Variants in SH3GL3 observed in about 807,000 individuals in gnomAD.
SH3GL3 encodes the protein SH3 domain containing GRB2 like 3, endophilin A3.
In SH3GL3, 33 loss-of-function variants were observed where a neutral mutation model predicts 47.7. The ratio of observed to expected loss-of-function variants is 0.69; its 90% CI spans 0.52 to 0.92. The LOEUF (loss-of-function observed/expected upper bound fraction) is 0.92. Ranked by LOEUF, SH3GL3 falls within the 40% of genes least tolerant of loss-of-function variation. The pLI, the probability that SH3GL3 is intolerant of heterozygous loss-of-function variation, is 0.00. For synonymous variants in SH3GL3, 155 were observed against 148.8 expected (o/e 1.04, Z -0.30); for missense variants, 363 against 417.8 (o/e 0.87, Z 1.14).
chr15:83,591,696 A>G (rs1464373929), intron 8 of SH3GL3, among the ~76,000 whole-genome samples: 1 of 151,472 alleles, frequency 6.6e-6, no homozygotes, highest in African/African-American at 2.4e-5. Flanking sequence ...ATTTATTTTT[A>G]TTTTTTTGAG....
At chr15:83,569,040 C>T (rs2045693062) in intron 4 of SH3GL3, among the ~76,000 whole-genome samples, 1 of 151,862 alleles carries the variant, frequency 6.6e-6, no homozygotes, top group Non-Finnish European at 1.5e-5. Flanking sequence ...GGATTACAGG[C>T]TCAAGCCACC....
intron 2 of SH3GL3, among the ~76,000 whole-genome samples, chr15:83,560,328 A>G (rs568061072): frequency 1.3e-4 from 20 of 152,174 alleles, no homozygotes; most frequent in Admixed American, 1.3e-4. Flanking sequence ...TGTTTTCTGG[A>G]TGAGAACTAT....
At chr15:83,609,456 G>A (rs1470318018) in intron 8 of SH3GL3, 2 of 388,526 alleles carry the variant, frequency 5.1e-6, no homozygotes, top group African/African-American at 2.1e-5. Context: ...AAGACAAAGA[G>A]CCCTACTCAG....
intron 1 of SH3GL3, among the ~76,000 whole-genome samples, chr15:83,492,092 G>T (rs1567268307): frequency 6.6e-6 from 1 of 152,046 alleles, no homozygotes; most frequent in Non-Finnish European, 1.5e-5. Flanking sequence ...AGACCATCCT[G>T]GCCAACATGG....
At chr15:83,604,620 C>A (rs2562760) in intron 8 of SH3GL3, among the ~76,000 whole-genome samples, 129,362 of 152,190 alleles carry the variant, frequency 0.85, 55,513 homozygotes, top group Non-Finnish European at 0.92. Context: ...AAAAGTAACA[C>A]ATAATAAGAT....
At chr15:83,624,043 T>C in the SH3GL3 span, among the ~76,000 whole-genome samples, 1 of 152,156 alleles carries the variant, frequency 6.6e-6, no homozygotes, top group Admixed American at 6.6e-5. Context: ...CACCTCGGCC[T>C]CCCAAAGTGC....
chr15:83,592,485 T>C (rs147479756), intron 8 of SH3GL3, among the ~76,000 whole-genome samples: 165 of 150,838 alleles, frequency 1.1e-3, no homozygotes, highest in East Asian at 3.1e-3. Context: ...GCTCGTGCAG[T>C]AGTCAAAATG....
At chr15:83,626,552 AGAT>A in the SH3GL3 span, among the ~76,000 whole-genome samples, 1 of 152,182 alleles carries the variant, frequency 6.6e-6, no homozygotes, top group African/African-American at 2.4e-5. Flanking sequence ...TCCAGGAATA[AGAT>A]GATATTTTGG....
At chr15:83,480,335 A>T (rs1354902338) in intron 1 of SH3GL3, among the ~76,000 whole-genome samples, 1 of 152,254 alleles carries the variant, frequency 6.6e-6, no homozygotes, top group Admixed American at 6.5e-5. Flanking sequence ...CTAAAAATAA[A>T]ATAGCAACCC....
chr15:83,449,420 G>C (rs1429796789), intron 1 of SH3GL3, among the ~76,000 whole-genome samples: 1 of 152,190 alleles, frequency 6.6e-6, no homozygotes, highest in Non-Finnish European at 1.5e-5. Context: ...ATCGCTGGCT[G>C]TACTTGTTAC....
intron 1 of SH3GL3, among the ~76,000 whole-genome samples, chr15:83,533,360 G>A (rs903991904): frequency 3.3e-5 from 5 of 152,274 alleles, no homozygotes; most frequent in East Asian, 3.9e-4. Flanking sequence ...GGATGGGTGA[G>A]GGCTGTGCTT....
At chr15:83,594,202 T>G (rs1217999366) in intron 8 of SH3GL3, among the ~76,000 whole-genome samples, 1 of 152,222 alleles carries the variant, frequency 6.6e-6, no homozygotes, top group Non-Finnish European at 1.5e-5. Flanking sequence ...AAACAGTCTT[T>G]GAATTTTGTC....
chr15:83,608,351 T>C (rs2060582192), intron 8 of SH3GL3, among the ~76,000 whole-genome samples: 1 of 152,118 alleles, frequency 6.6e-6, no homozygotes, highest in Admixed American at 6.5e-5. Context: ...ACCTAATCCA[T>C]AGCAAAGATG....
chr15:83,586,126 G>A (rs553976260), intron 6 of SH3GL3, among the ~76,000 whole-genome samples: 71 of 152,286 alleles, frequency 4.7e-4, no homozygotes, highest in African/African-American at 1.4e-3. Context: ...CTTGCTGGGG[G>A]AGGCCCATCA....
downstream of SH3GL3, among the ~76,000 whole-genome samples, chr15:83,623,472 T>G (rs2099126): frequency 0.12 from 18,456 of 152,206 alleles, 1,489 homozygotes; most frequent in Admixed American, 0.24. Context: ...GGGCATGGTT[T>G]CATGGCGAAG....
intron 1 of SH3GL3, among the ~76,000 whole-genome samples, chr15:83,472,314 C>G (rs568714034): frequency 6.6e-6 from 1 of 152,342 alleles, no homozygotes; most frequent in Admixed American, 6.5e-5. Context: ...CTTTTCCCTT[C>G]TCTTATTGGA....
At chr15:83,560,948 T>G (rs1420108024) in intron 2 of SH3GL3, among the ~76,000 whole-genome samples, 1 of 152,154 alleles carries the variant, frequency 6.6e-6, no homozygotes, top group East Asian at 1.9e-4. Context: ...ATTATAATAG[T>G]TATGAACCAT....
chr15:83,489,581 A>C (rs554925675), intron 1 of SH3GL3, among the ~76,000 whole-genome samples: 31 of 152,292 alleles, frequency 2.0e-4, no homozygotes, highest in Non-Finnish European at 4.0e-4. Context: ...AAATGTAAAG[A>C]TCCTTTCGTA....
intron 1 of SH3GL3, among the ~76,000 whole-genome samples, chr15:83,529,919 T>C (rs367960709): frequency 6.6e-6 from 1 of 152,100 alleles, no homozygotes; most frequent in East Asian, 1.9e-4. Flanking sequence ...ACATGCACAT[T>C]GGCTCCCCTT....
Sources: gnomAD v4.1 joint callset for allele counts (sites outside exome capture counted in the v4.1 genomes callset) on GRCh38, gnomAD v4.1.1 for gene constraint, MANE v1.5 for transcripts, NCBI Gene and HGNC (gene_info 2026-07-23, HGNC 2026-07-21) for gene names.